The following BUD13 variants were observed in gnomAD, a reference collection of about 807,000 sequenced individuals.
BUD13 encodes BUD13 spliceosome associated protein.
A neutral mutation model predicts 62.5 loss-of-function variants in BUD13; 47 were observed. The ratio of observed to expected loss-of-function variants is 0.75; its 90% confidence interval spans 0.60 to 0.96. The LOEUF (loss-of-function observed/expected upper bound fraction) is 0.96, where lower values mean the gene tolerates loss of function less well. BUD13 is among the 40% of genes least tolerant of loss of function. The probability of loss-of-function intolerance (pLI) is 0.00; values close to 1 mark genes in which losing one functional copy is unlikely to be tolerated. For missense variants in BUD13, 821 were observed against 790.9 expected, an observed-to-expected ratio of 1.04 and a Z score of -0.46; for synonymous variants, 293 against 280.1, an observed-to-expected ratio of 1.05 and a Z score of -0.46.
chr11:116,761,133 C>A (rs946078934), intron 4 of BUD13, among the ~76,000 whole-genome samples, 181 bp from the exon 5 acceptor site: 4 of 151,768 alleles, frequency 2.6e-5, no homozygotes. Flanking sequence ...CTCACTGCAA[C>A]CTCCGCCTCC....
rs184986213 is a variant in BUD13 at position 116,768,940 on chromosome 11, A to G, written c.237+1189T>C. The stretch of plus-strand genomic sequence containing the variant: ...TGAGGCAGGAGAATGGTGTGAACCC[A>G]GGAGGCAGAGCTTGCAGTGAGCCGA... On this transcript the variant is annotated intron_variant, in intron 2 of 9. Coordinates refer to ENST00000260210, the MANE Select transcript of BUD13 (RefSeq NM_032725.4). Among the ~76,000 whole-genome samples, 420 of 150,166 alleles carry G rather than the reference A, an allele frequency of 2.8e-3. 2 individuals carry two copies. The highest frequency in any genetic ancestry group is 3.8e-3 in the South Asian group (18 of 4,702).
chr11:116,758,022 C>A, intron 7 of BUD13, 72 bp from the exon 8 acceptor site: 1 of 1,565,352 alleles, frequency 6.4e-7, no homozygotes, highest in Admixed American at 1.8e-5. Context: ...ATGGACCATA[C>A]TGCTAAGTTT....
intron 2 of BUD13, among the ~76,000 whole-genome samples, chr11:116,768,113 T>G (rs1940564112): frequency 6.6e-6 from 1 of 152,058 alleles, no homozygotes; most frequent in Non-Finnish European, 1.5e-5. Context: ...AACATGGGAA[T>G]ATAACTAAAG....
chr11:116,759,481 T>C (rs1368677683), intron 5 of BUD13, among the ~76,000 whole-genome samples: 1 of 152,172 alleles, frequency 6.6e-6, no homozygotes, highest in Non-Finnish European at 1.5e-5. Flanking sequence ...GGTCATCTGA[T>C]CAGAAACCAG....
At chr11:116,772,111 T>A (rs1486128086) in intron 1 of BUD13, among the ~76,000 whole-genome samples, 3 of 152,208 alleles carry the variant, frequency 2.0e-5, no homozygotes, top group Non-Finnish European at 4.4e-5. Context: ...TCATCTTGGA[T>A]TTGGCACCCA....
chr11:116,751,883 C>A (rs1186370259), intron 9 of BUD13, among the ~76,000 whole-genome samples: 4 of 152,220 alleles, frequency 2.6e-5, no homozygotes, highest in African/African-American at 9.7e-5. Context: ...ACGCAGAGTT[C>A]TAATTCCAGC....
At chr11:116,760,613 C>G in intron 5 of BUD13, 122 bp downstream of exon 5, 1 of 1,157,098 alleles carries the variant, frequency 8.6e-7, no homozygotes. Context: ...GTCCTTTTAA[C>G]TAAGATTTAC....
chr11:116,765,868 T>C (rs1940522136), intron 2 of BUD13, among the ~76,000 whole-genome samples: 1 of 152,208 alleles, frequency 6.6e-6, no homozygotes. Flanking sequence ...TTTCTTGTTG[T>C]AGGTAGTCAC....
intron 3 of BUD13, 127 bp downstream of exon 3, chr11:116,765,235 T>C (rs79610135): frequency 0.027 from 26,346 of 978,772 alleles, 424 homozygotes; most frequent in Non-Finnish European, 0.033. Flanking sequence ...TCCTTTTTCC[T>C]GCTTTATTTT....
intron 4 of BUD13, among the ~76,000 whole-genome samples, chr11:116,761,514 T>C (rs1189759699): frequency 1.3e-5 from 2 of 152,162 alleles, no homozygotes; most frequent in South Asian, 4.1e-4. Context: ...GACCAACAGG[T>C]AGAATATGGC....
chr11:116,765,774 T>A (rs529138818), intron 2 of BUD13, among the ~76,000 whole-genome samples: 21 of 152,356 alleles, frequency 1.4e-4, no homozygotes, highest in African/African-American at 4.3e-4. Flanking sequence ...TTTACACTTT[T>A]ACTTCTACAT....
intron 1 of BUD13, among the ~76,000 whole-genome samples, chr11:116,772,274 A>C (rs914433146): frequency 6.6e-6 from 1 of 152,336 alleles, no homozygotes; most frequent in Admixed American, 6.5e-5. Context: ...TACCCACTTC[A>C]TGGTAGTGTG....
At chr11:116,769,323 A>G (rs998383825) in intron 2 of BUD13, among the ~76,000 whole-genome samples, 3 of 152,188 alleles carry the variant, frequency 2.0e-5, no homozygotes, top group African/African-American at 7.2e-5. Context: ...CATCCCCAAC[A>G]TTTACCATAC....
At position 116,762,617 on chromosome 11, in the gene BUD13, G is replaced by C. The variant is rs150401821; in HGVS notation, c.972C>G (p.Ile324Met). The C allele has an allele frequency of 5.7e-5, 92 of 1,613,490 alleles. No homozygotes were observed. The highest frequency in any genetic ancestry group is 7.5e-5 in the Non-Finnish European group (88 of 1,179,934). ...KNSKYEYDPD[I>M]SPPRKKQAKS... The stretch of plus-strand genomic sequence containing the variant: ...TTGCTTGCTTTTTTCGTGGAGGAGA[G>C]ATGTCAGGGTCATACTCATATTTGC... Residue 324 changes from isoleucine (I) to methionine (M), a missense_variant, in exon 4 of 10, where the codon ATC (isoleucine) becomes ATG (methionine). By Grantham distance (10) the Ile-to-Met change is conservative. Transcript: ENST00000260210.
At chr11:116,767,110 C>T (rs1346470408) in intron 2 of BUD13, among the ~76,000 whole-genome samples, 2 of 151,210 alleles carry the variant, frequency 1.3e-5, no homozygotes, top group Non-Finnish European at 2.9e-5. Flanking sequence ...TTCACTTGAA[C>T]CTGGGAGGCA....
chr11:116,760,245 C>A (rs900579151), intron 5 of BUD13, among the ~76,000 whole-genome samples: 2 of 152,208 alleles, frequency 1.3e-5, no homozygotes, highest in Non-Finnish European at 2.9e-5. Flanking sequence ...CTTACACTGG[C>A]TTAATTATCA....
intron 2 of BUD13, among the ~76,000 whole-genome samples, chr11:116,768,605 T>C (rs1210840302): frequency 1.3e-5 from 2 of 152,148 alleles, no homozygotes; most frequent in African/African-American, 2.4e-5. Flanking sequence ...CAACAAACAT[T>C]GTTAATATTT....
chr11:116,756,274 G>A (rs1163920105), intron 9 of BUD13, among the ~76,000 whole-genome samples: 1 of 152,060 alleles, frequency 6.6e-6, no homozygotes, highest in Non-Finnish European at 1.5e-5. Flanking sequence ...CACTTTGGGA[G>A]GCTGAAGTGG....
At position 116,765,237 on chromosome 11, in the gene BUD13, C is replaced by T; in HGVS notation, c.322+125G>A. 1.7e-5 allele frequency: 17 copies of T among 1,012,442 alleles called. No individual in the cohort carries two copies. In the South Asian group the frequency reaches 2.5e-4, roughly 15 times the overall value. 62.7% of individuals were successfully genotyped at this position (1,012,442 alleles called of 1,614,324 possible). On this transcript the variant is annotated intron_variant, in intron 3 of 9. Transcript: ENST00000260210. ...AAGAAGTCCAACTTCCTTTTTCCTG[C>T]TTTATTTTTCAGGATCAATGACATG...
Sources: allele counts gnomAD v4.1 joint callset (sites outside exome capture counted in the v4.1 genomes callset), GRCh38; gene constraint gnomAD v4.1.1; transcripts MANE v1.5; gene names NCBI Gene and HGNC (gene_info 2026-07-23, HGNC 2026-07-21).